GRM7: variants seen among roughly 807,000 people sequenced by gnomAD.
GRM7 encodes metabotropic glutamate receptor 7.
Under a neutral mutation model 84.5 loss-of-function variants are expected in GRM7, and 35 were observed. The ratio of observed to expected loss-of-function variants is 0.41; its 90% CI spans 0.32 to 0.55. The LOEUF (loss-of-function observed/expected upper bound fraction) is 0.55, where lower values mean the gene tolerates loss of function less well. GRM7 is among the 20% of genes least tolerant of loss of function. The probability of loss-of-function intolerance (pLI) is 0.19; values close to 1 mark genes in which losing one functional copy is unlikely to be tolerated. For synonymous variants in GRM7, 487 were observed against 455.1 expected (o/e 1.07, Z -0.89); for missense variants, 1,003 against 1,194.6 (o/e 0.84, Z 2.36).
intron 2 of GRM7, among the ~76,000 whole-genome samples, chr3:7,204,942 G>A (rs1231021597): frequency 1.3e-5 from 2 of 152,188 alleles, no homozygotes; most frequent in East Asian, 1.9e-4. Context: ...AACTCAAAAG[G>A]CTTGGCTCCA....
intron 9 of GRM7, among the ~76,000 whole-genome samples, chr3:7,697,230 T>C: frequency 6.6e-6 from 1 of 152,320 alleles, no homozygotes; most frequent in East Asian, 1.9e-4. Context: ...TTTTTAAAAA[T>C]TACATCATCA....
chr3:7,610,406 GTAAT>G (rs1696796976), intron 8 of GRM7, among the ~76,000 whole-genome samples: 2 of 152,270 alleles, frequency 1.3e-5, no homozygotes, highest in Admixed American at 6.5e-5. Context: ...GTTAAACAAA[GTAAT>G]TAATTACTCT....
chr3:7,518,669 A>T (rs187239672), intron 7 of GRM7, among the ~76,000 whole-genome samples: 68 of 152,352 alleles, frequency 4.5e-4, no homozygotes, highest in Non-Finnish European at 7.9e-4. Context: ...TTTGGCTAAC[A>T]GCCAAGCACC....
intron 4 of GRM7, among the ~76,000 whole-genome samples, chr3:7,349,500 C>G (rs770686080): frequency 2.6e-5 from 4 of 152,112 alleles, no homozygotes; most frequent in African/African-American, 9.7e-5. Context: ...CAAAGATACT[C>G]ATAGATGGAA....
intron 9 of GRM7, among the ~76,000 whole-genome samples, chr3:7,732,498 T>C: frequency 6.6e-6 from 1 of 151,858 alleles, no homozygotes; most frequent in East Asian, 1.9e-4. Flanking sequence ...GACTAGAAAC[T>C]AAAACCAACC....
At chr3:7,058,394 A>G (rs539877890) in intron 1 of GRM7, among the ~76,000 whole-genome samples, 6 of 151,876 alleles carry the variant, frequency 4.0e-5, no homozygotes, top group Non-Finnish European at 5.9e-5. Context: ...AGAATATCAC[A>G]TTGATTATGT....
At chr3:7,312,732 T>A (rs78362177) in intron 4 of GRM7, among the ~76,000 whole-genome samples, 3 of 151,894 alleles carry the variant, frequency 2.0e-5, no homozygotes, top group Non-Finnish European at 4.4e-5. Flanking sequence ...TGACATTATC[T>A]GAGGGAACTT....
chr3:7,379,937 C>T (rs1694517191), intron 4 of GRM7, among the ~76,000 whole-genome samples: 1 of 152,170 alleles, frequency 6.6e-6, no homozygotes, highest in African/African-American at 2.4e-5. Flanking sequence ...CACCCTGGGT[C>T]TCCAATTCTC....
chr3:7,649,122 T>C (rs933081601), intron 8 of GRM7, among the ~76,000 whole-genome samples: 1 of 151,628 alleles, frequency 6.6e-6, no homozygotes, highest in Non-Finnish European at 1.5e-5. Context: ...CAGGCTGGAG[T>C]GCAGTGGTGC....
chr3:7,698,368 T>G (rs1701101408), intron 9 of GRM7, among the ~76,000 whole-genome samples: 1 of 152,242 alleles, frequency 6.6e-6, no homozygotes, highest in African/African-American at 2.4e-5. Context: ...TAATATGTAT[T>G]AGCTCATTTA....
intron 5 of GRM7, among the ~76,000 whole-genome samples, chr3:7,442,320 G>T (rs1260752194): frequency 6.6e-6 from 1 of 152,050 alleles, no homozygotes; most frequent in African/African-American, 2.4e-5. Context: ...TATTGATTTT[G>T]TATCCAGAAA....
intron 1 of GRM7, among the ~76,000 whole-genome samples, chr3:7,091,445 A>G (rs1698660937): frequency 6.6e-6 from 1 of 152,072 alleles, no homozygotes; most frequent in Non-Finnish European, 1.5e-5. Context: ...AAATGGCTGC[A>G]AAGCACATTA....
intron 1 of GRM7, among the ~76,000 whole-genome samples, chr3:7,075,160 C>T (rs531668380): frequency 9.2e-5 from 14 of 152,282 alleles, no homozygotes; most frequent in Non-Finnish European, 1.8e-4. Context: ...TGTATGGACT[C>T]AGATGAATCT....
intron 4 of GRM7, among the ~76,000 whole-genome samples, chr3:7,374,782 T>A (rs899420483): frequency 2.0e-5 from 3 of 151,822 alleles, no homozygotes; most frequent in Non-Finnish European, 2.9e-5. Flanking sequence ...TGAGCCACCA[T>A]GCCCAGCCGG....
chr3:7,458,094 C>T lies in GRM7; in HGVS notation c.1376-3489C>T, dbSNP rs114578398. Among the ~76,000 whole-genome samples the T allele has an allele frequency of 8.0e-4, 122 of 152,288 alleles. 1 individual carries two copies. Among genetic ancestry groups the T allele is most frequent in the Non-Finnish European group, 1.4e-3 (94 of 68,010 alleles). ...GAACAGAAAATGTGTCTAGTAAATA[C>T]GTTGATGCAGAAGACTGGTTTATTA... On this transcript the variant is annotated intron_variant, in intron 6 of 9. Transcript: ENST00000357716.
intron 1 of GRM7, among the ~76,000 whole-genome samples, chr3:7,052,604 G>A (rs557246638): frequency 1.3e-5 from 2 of 150,606 alleles, no homozygotes; most frequent in Admixed American, 6.6e-5. Flanking sequence ...ACTTTCTGTT[G>A]TTATAGTTTT....
rs987453220 is a variant in GRM7, at chr3:6,863,731, G to C, written c.519+1824G>C. On this transcript the variant is annotated intron_variant, in intron 1 of 9. Coordinates refer to ENST00000357716, the MANE Select transcript of GRM7 (RefSeq NM_000844.4). The surrounding 1 kb of genome is among the most constrained non-coding windows in gnomAD (Gnocchi z 4.8). ...TCAGAGACATTACCTGAGAACCACT[G>C]GGGGCTGGGGTAGGTTACAGTGTTT... is the stretch of plus-strand genomic sequence containing the variant. 6.6e-6 allele frequency among the ~76,000 whole-genome samples: 1 copy of C among 152,292 alleles called. No individual in the cohort carries two copies.
chr3:7,114,982 A>T (rs1692983080), intron 1 of GRM7, among the ~76,000 whole-genome samples: 1 of 152,142 alleles, frequency 6.6e-6, no homozygotes, highest in African/African-American at 2.4e-5. Context: ...CGGATGAGGT[A>T]GTGAAAGGCA....
intron 9 of GRM7, among the ~76,000 whole-genome samples, chr3:7,698,619 C>T (rs781185326): frequency 5.3e-5 from 8 of 152,244 alleles, no homozygotes; most frequent in African/African-American, 1.4e-4. Context: ...AAACCACAGG[C>T]CTTTTCAACC....
Sources: allele counts gnomAD v4.1 joint callset (sites outside exome capture counted in the v4.1 genomes callset), GRCh38; gene constraint gnomAD v4.1.1; non-coding constraint Gnocchi (gnomAD v3.1); transcripts MANE v1.5; gene names NCBI Gene and HGNC (gene_info 2026-07-23, HGNC 2026-07-21).